The following CTIF variants were observed in gnomAD, a reference collection of about 807,000 sequenced individuals.
CTIF encodes the protein CBP80/20-dependent translation initiation factor.
CTIF carries 21 observed loss-of-function variants against 66.0 expected under a neutral mutation model. The ratio of observed to expected loss-of-function variants is 0.32; its 90% CI spans 0.23 to 0.46. The LOEUF (loss-of-function observed/expected upper bound fraction) is 0.46. Ranked by LOEUF, CTIF falls within the 20% of genes least tolerant of loss-of-function variation. CTIF has a pLI of 1.00. For missense variants in CTIF, 739 were observed against 812.7 expected (o/e 0.91, Z 1.10); for synonymous variants, 345 against 326.4 (o/e 1.06, Z -0.62).
At chr18:48,799,745 G>A (rs990610483) in intron 9 of CTIF, among the ~76,000 whole-genome samples, 1 of 152,188 alleles carries the variant, frequency 6.6e-6, no homozygotes, top group Admixed American at 6.5e-5. Context: ...GGTTGCCACT[G>A]CCTTGGAGCC....
intron 9 of CTIF, among the ~76,000 whole-genome samples, chr18:48,799,746 C>A (rs2068009328): frequency 6.6e-6 from 1 of 152,208 alleles, no homozygotes; most frequent in Non-Finnish European, 1.5e-5. Flanking sequence ...GTTGCCACTG[C>A]CTTGGAGCCC....
intron 6 of CTIF, among the ~76,000 whole-genome samples, chr18:48,680,837 A>C (rs148263795): frequency 6.6e-6 from 1 of 152,174 alleles, no homozygotes; most frequent in African/African-American, 2.4e-5. Context: ...TTATTCCTTT[A>C]TTAGCCAATG....
chr18:48,590,171 C>G (rs578201461), intron 1 of CTIF, among the ~76,000 whole-genome samples: 31 of 152,254 alleles, frequency 2.0e-4, no homozygotes, highest in Non-Finnish European at 4.4e-4. Flanking sequence ...GGACCCAAGC[C>G]TCATGAGGCA....
At chr18:48,598,660 G>A (rs1057414337) in intron 1 of CTIF, among the ~76,000 whole-genome samples, 9 of 152,222 alleles carry the variant, frequency 5.9e-5, no homozygotes, top group Non-Finnish European at 8.8e-5. Flanking sequence ...GGTGGTGTGG[G>A]CGGGCAGGCT....
At chr18:48,548,395 G>A (rs1263873766) in intron 1 of CTIF, among the ~76,000 whole-genome samples, 2 of 152,232 alleles carry the variant, frequency 1.3e-5, no homozygotes, top group Non-Finnish European at 2.9e-5. Context: ...AAACAGGCTG[G>A]TGTTTACAAG....
At chr18:48,613,666 T>G (rs1429701796) in intron 1 of CTIF, among the ~76,000 whole-genome samples, 4 of 152,204 alleles carry the variant, frequency 2.6e-5, no homozygotes, top group African/African-American at 9.7e-5. Context: ...CGGCCGAGTC[T>G]GGATGAGGTT....
rs558991727 is a variant in CTIF at position 48,678,941 on chromosome 18, C to T, written c.507+8197C>T. Among the ~76,000 whole-genome samples the T allele has an allele frequency of 3.8e-3, 572 of 152,332 alleles. 1 individual carries two copies. Among genetic ancestry groups the T allele is most frequent in the Non-Finnish European group, 6.9e-3 (469 of 68,038 alleles). On this transcript the variant is annotated intron_variant, in intron 6 of 11. Transcript: ENST00000256413. Reference sequence around the variant, plus strand: ...TTTTGCAAATAAAGTTTTATCAAAACGCAGCCACACCCATTCACTTGCTTC... The same window carrying T: ...TTTTGCAAATAAAGTTTTATCAAAATGCAGCCACACCCATTCACTTGCTTC...
chr18:48,837,647 C>G (rs761799332), intron 10 of CTIF, among the ~76,000 whole-genome samples: 1 of 152,196 alleles, frequency 6.6e-6, no homozygotes, highest in Non-Finnish European at 1.5e-5. Flanking sequence ...GTGGTGCCCA[C>G]TCTGACTGCA....
chr18:48,729,063 T>A (rs1459689405), intron 7 of CTIF, among the ~76,000 whole-genome samples: 1 of 152,188 alleles, frequency 6.6e-6, no homozygotes, highest in Non-Finnish European at 1.5e-5. Flanking sequence ...ACAAATGCCC[T>A]CCTCATCCTG....
intron 5 of CTIF, among the ~76,000 whole-genome samples, chr18:48,667,833 CTG>C (rs2091462104): frequency 6.6e-6 from 1 of 152,184 alleles, no homozygotes; most frequent in Non-Finnish European, 1.5e-5. Flanking sequence ...CCCAGGGAGT[CTG>C]AGTGCAGTGT....
At chr18:48,659,368 C>G (rs752048534) in intron 3 of CTIF, among the ~76,000 whole-genome samples, 2 of 152,176 alleles carry the variant, frequency 1.3e-5, no homozygotes, top group Non-Finnish European at 2.9e-5. Context: ...TGCTCTCCTC[C>G]ATGTGTCCAG....
In CTIF at chr18:48,579,583, C is replaced by T. The variant is rs1438527817; in HGVS notation, c.-28-39955C>T. 3.3e-5 allele frequency among the ~76,000 whole-genome samples: 5 copies of T among 152,140 alleles called. No individual in the cohort carries two copies. The South Asian group carries it at 1.0e-3, about 32-fold the overall frequency. ...GTAACTTAGTTCTCTCCTTTTCTTC[C>T]CCCCAAGCCCACACACACACATCTG... On this transcript the variant is annotated intron_variant, in intron 1 of 11. Coordinates refer to ENST00000256413, the MANE Select transcript of CTIF (RefSeq NM_014772.3).
intron 10 of CTIF, among the ~76,000 whole-genome samples, chr18:48,820,742 C>G (rs958792446): frequency 2.0e-5 from 3 of 152,178 alleles, no homozygotes; most frequent in Non-Finnish European, 2.9e-5. Context: ...CCCCGGGGCT[C>G]CCCTGCAGTG....
At chr18:48,613,480 G>T (rs552095381) in intron 1 of CTIF, among the ~76,000 whole-genome samples, 7 of 152,304 alleles carry the variant, frequency 4.6e-5, no homozygotes, top group Middle Eastern at 6.8e-3. Context: ...AGGCGAAGGG[G>T]AGTTTGTTTG....
chr18:48,720,083 C>G (rs966528638), intron 7 of CTIF, among the ~76,000 whole-genome samples: 2 of 152,154 alleles, frequency 1.3e-5, no homozygotes, highest in Non-Finnish European at 2.9e-5. Flanking sequence ...TCAGTATTCA[C>G]TAATTCAGTA....
chr18:48,698,325 A>G (rs1256884932), intron 6 of CTIF, among the ~76,000 whole-genome samples: 2 of 151,850 alleles, frequency 1.3e-5, no homozygotes, highest in Non-Finnish European at 2.9e-5. Context: ...ATGCCAAGCT[A>G]GGAGGGCCCA....
intron 7 of CTIF, among the ~76,000 whole-genome samples, chr18:48,743,820 C>G (rs1384228): frequency 1.3e-5 from 2 of 152,210 alleles, no homozygotes; most frequent in Non-Finnish European, 2.9e-5. Context: ...CCAAGAGAAA[C>G]TATTATGGTG....
chr18:48,857,537 A>G (rs1237087284), intron 10 of CTIF, 51 bp from the exon 11 acceptor site: 12 of 1,540,932 alleles, frequency 7.8e-6, no homozygotes, highest in Admixed American at 1.8e-5. Context: ...TACAGGGCCC[A>G]GTAGCCGGCA....
chr18:48,844,941 CT>C (rs2069036019), intron 10 of CTIF, among the ~76,000 whole-genome samples: 1 of 152,170 alleles, frequency 6.6e-6, no homozygotes, highest in African/African-American at 2.4e-5. Context: ...TTCCTCCTTT[CT>C]GATTATCCTC....
Sources: allele counts gnomAD v4.1 joint callset (sites outside exome capture counted in the v4.1 genomes callset), GRCh38; gene constraint gnomAD v4.1.1; transcripts MANE v1.5; gene names NCBI Gene and HGNC (gene_info 2026-07-23, HGNC 2026-07-21).